UBASH3B: variants seen among roughly 807,000 people sequenced by gnomAD.
UBASH3B encodes ubiquitin associated and SH3 domain containing B, also known as ubiquitin-associated and SH3 domain-containing protein B.
In UBASH3B, 37 loss-of-function variants were observed where a neutral mutation model predicts 83.4. The ratio of observed to expected loss-of-function variants is 0.44; its 90% CI spans 0.34 to 0.58. The LOEUF (loss-of-function observed/expected upper bound fraction) is 0.58, where lower values mean the gene tolerates loss of function less well. UBASH3B is among the 20% of genes least tolerant of loss of function. The pLI is 0.01. For missense variants in UBASH3B, 657 were observed against 827.2 expected (o/e 0.79, Z 2.52); for synonymous variants, 304 against 318.3 (o/e 0.96, Z 0.48).
In UBASH3B at chr11:122,799,003, C is replaced by T; in HGVS notation, c.1419C>T (p.Arg473=). The change falls in exon 10 of 14, where the codon CGC becomes CGT. Residue 473 remains arginine (R), a synonymous_variant. Transcript: ENST00000284273. Reference sequence around the variant, plus strand: ...ATGTCTATTGCTCCCCGTCCCTTCGCTGCGTTCAGACTGCACACAATATCT... The same window carrying T: ...ATGTCTATTGCTCCCCGTCCCTTCGTTGCGTTCAGACTGCACACAATATCT... The part of the protein sequence containing the change: ...IDHVYCSPSL[R]CVQTAHNILK... The T allele has an allele frequency of 6.2e-7, 1 of 1,614,118 alleles. No homozygotes were observed.
chr11:122,681,531 T>C (rs1412545915), intron 1 of UBASH3B, among the ~76,000 whole-genome samples: 2 of 152,140 alleles, frequency 1.3e-5, no homozygotes, highest in African/African-American at 4.8e-5. Context: ...TCGGGGAACA[T>C]GGATAAGCTT....
chr11:122,810,085 T>G lies in UBASH3B; in HGVS notation c.*199T>G. 3.3e-6 allele frequency: 2 copies of G among 597,412 alleles called. No homozygotes were observed. Among genetic ancestry groups the G allele is most frequent in the South Asian group, 5.0e-5 (2 of 40,078 alleles). 37.0% of individuals were successfully genotyped at this position (597,412 alleles called of 1,614,324 possible). ...ATTCAGAGGAAAAAAATGTGTTCTC[T>G]CTGGACTCTTGCCTAGCTCACAAGG... On this transcript the variant is annotated 3_prime_UTR_variant, in exon 14 of 14. Coordinates refer to ENST00000284273, the MANE Select transcript of UBASH3B (RefSeq NM_032873.5).
At chr11:122,757,015 G>C (rs1014585654) in intron 1 of UBASH3B, among the ~76,000 whole-genome samples, 3 of 152,130 alleles carry the variant, frequency 2.0e-5, no homozygotes, top group African/African-American at 7.2e-5. Flanking sequence ...AGTCTCCAAG[G>C]CCTGAAATTC....
At chr11:122,681,709 C>T (rs1490801773) in intron 1 of UBASH3B, among the ~76,000 whole-genome samples, 2 of 152,146 alleles carry the variant, frequency 1.3e-5, no homozygotes, top group Non-Finnish European at 2.9e-5. Flanking sequence ...CACACACACA[C>T]ACACAGGCAC....
chr11:122,716,518 T>C (rs961194018), intron 1 of UBASH3B, among the ~76,000 whole-genome samples: 25 of 152,208 alleles, frequency 1.6e-4, no homozygotes, highest in Non-Finnish European at 3.2e-4. Flanking sequence ...GCTTTTCATC[T>C]CTGCCCCTCT....
intron 1 of UBASH3B, among the ~76,000 whole-genome samples, chr11:122,687,823 G>T (rs972162691): frequency 6.6e-6 from 1 of 152,002 alleles, no homozygotes; most frequent in Admixed American, 6.6e-5. Context: ...CAAGATGAGA[G>T]AATTTGCCAA....
At chr11:122,783,019 T>A (rs745330928) in intron 4 of UBASH3B, 34 bp from the exon 5 acceptor site, 6 of 1,598,612 alleles carry the variant, frequency 3.8e-6, no homozygotes, top group Non-Finnish European at 5.1e-6. Flanking sequence ...CATCACCACC[T>A]TTTAATTACT....
intron 1 of UBASH3B, among the ~76,000 whole-genome samples, chr11:122,713,768 G>A (rs1053454090): frequency 1.3e-5 from 2 of 150,812 alleles, no homozygotes; most frequent in African/African-American, 4.9e-5. Context: ...AAAAATGAAT[G>A]TTCAGGGTTA....
chr11:122,659,302 A>C (rs1415466313), intron 1 of UBASH3B, among the ~76,000 whole-genome samples: 1 of 152,190 alleles, frequency 6.6e-6, no homozygotes, highest in African/African-American at 2.4e-5. Flanking sequence ...TATTACTACT[A>C]GCACTGCCCC....
chr11:122,728,293 G>A (rs1041381880), intron 1 of UBASH3B, among the ~76,000 whole-genome samples: 9 of 152,078 alleles, frequency 5.9e-5, no homozygotes, highest in South Asian at 2.1e-4. Context: ...AAAGAATTCC[G>A]GATGCTACTT....
chr11:122,803,854 G>T (rs887056136), intron 11 of UBASH3B, among the ~76,000 whole-genome samples: 3 of 152,038 alleles, frequency 2.0e-5, no homozygotes, highest in Admixed American at 6.5e-5. Flanking sequence ...TTGAGTGGGT[G>T]GGGGGAAGGC....
chr11:122,676,366 G>A (rs559034796), intron 1 of UBASH3B, among the ~76,000 whole-genome samples: 1 of 152,116 alleles, frequency 6.6e-6, no homozygotes, highest in East Asian at 1.9e-4. Flanking sequence ...ATGGTAAAAC[G>A]TGTCTGTACT....
chr11:122,796,974 G>A lies in UBASH3B; in HGVS notation c.1298G>A (p.Arg433Gln), dbSNP rs145386058. The change falls in exon 9 of 14, where the codon CGA becomes CAA. Residue 433 changes from arginine to glutamine, a missense_variant. Arg to Gln is a conservative substitution (Grantham distance 43, BLOSUM62 1). Around this residue, in one of 3 missense-constraint regions of UBASH3B, gnomAD observed 573 missense variants for 739.0 expected, o/e 0.78. Coordinates refer to ENST00000284273, the MANE Select transcript of UBASH3B (RefSeq NM_032873.5). ...HSLPQRSGGF[R>Q]DYEKDAPITV... is the part of the protein sequence containing the mutation. ...TTACCTCAGCGGAGTGGTGGTTTCC[G>A]AGATTACGAGAAAGATGCTCCCATC... 134 of 1,613,940 alleles carry A rather than the reference G, an allele frequency of 8.3e-5. 1 individual carries two copies. Among genetic ancestry groups the A allele is most frequent in the Admixed American group, 2.8e-4 (17 of 59,984 alleles).
chr11:122,766,531 C>T (rs1343147596), intron 1 of UBASH3B, among the ~76,000 whole-genome samples: 2 of 151,540 alleles, frequency 1.3e-5, no homozygotes, highest in Non-Finnish European at 2.9e-5. Flanking sequence ...GGCGACGGAG[C>T]CAGCGAGACT....
Position 122,730,444 on chromosome 11 carries a change from C to T in UBASH3B, c.162-45775C>T, listed in dbSNP as rs76934435. Among the ~76,000 whole-genome samples, 492 of 152,288 alleles carry T rather than the reference C, an allele frequency of 3.2e-3. 4 individuals are homozygous for T. Among genetic ancestry groups the T allele is most frequent in the African/African-American group, 0.011 (456 of 41,554 alleles). On this transcript the variant is annotated intron_variant, in intron 1 of 13. Coordinates refer to ENST00000284273, the MANE Select transcript of UBASH3B (RefSeq NM_032873.5). Reference sequence around the variant, plus strand: ...GGTATTTTCCATTCATGTTGCCAGACCATCTCTGTTTCAGGTCAGCCTCCT... The same window carrying T: ...GGTATTTTCCATTCATGTTGCCAGATCATCTCTGTTTCAGGTCAGCCTCCT...
chr11:122,669,948 G>C (rs1863571477), intron 1 of UBASH3B, among the ~76,000 whole-genome samples: 1 of 152,188 alleles, frequency 6.6e-6, no homozygotes, highest in Admixed American at 6.5e-5. Flanking sequence ...GTTCATGAAG[G>C]TTTGATGAAC....
chr11:122,698,583 G>T (rs764203880), intron 1 of UBASH3B, among the ~76,000 whole-genome samples: 2 of 152,142 alleles, frequency 1.3e-5, no homozygotes, highest in South Asian at 4.1e-4. Flanking sequence ...TGGTAAGGCA[G>T]GTGCCAGCTG....
chr11:122,671,869 G>A (rs1863597829), intron 1 of UBASH3B, among the ~76,000 whole-genome samples: 1 of 152,212 alleles, frequency 6.6e-6, no homozygotes, highest in Admixed American at 6.5e-5. Flanking sequence ...TCCGAAGGAT[G>A]TGGAGGATGG....
intron 1 of UBASH3B, among the ~76,000 whole-genome samples, chr11:122,675,254 C>A (rs1863652643): frequency 6.6e-6 from 1 of 152,210 alleles, no homozygotes; most frequent in Admixed American, 6.5e-5. Flanking sequence ...CCCTGACTGG[C>A]AAATAAGCAT....
Sources: allele counts gnomAD v4.1 joint callset (sites outside exome capture counted in the v4.1 genomes callset), GRCh38; gene constraint gnomAD v4.1.1; regional missense constraint gnomAD v4.1.1; transcripts MANE v1.5; gene names NCBI Gene and HGNC (gene_info 2026-07-23, HGNC 2026-07-21).